The following SCLY variants were observed in gnomAD, a reference collection of about 807,000 sequenced individuals.
The protein encoded by SCLY is selenocysteine lyase.
SCLY carries 38 observed loss-of-function variants against 50.1 expected under a neutral mutation model. That is an observed-to-expected ratio of 0.76 (90% CI 0.59 to 0.99). The LOEUF (loss-of-function observed/expected upper bound fraction) is 0.99, where lower values mean the gene tolerates loss of function less well. Among genes scored for constraint, SCLY ranks in the 50% least tolerant of loss-of-function variants. SCLY has a pLI of 0.00. For missense variants in SCLY, 600 were observed against 620.0 expected, an observed-to-expected ratio of 0.97 and a Z score of 0.34; for synonymous variants, 243 against 249.4, an observed-to-expected ratio of 0.97 and a Z score of 0.24.
chr2:238,070,176 A>G (rs1010437928), intron 4 of SCLY, among the ~76,000 whole-genome samples: 4 of 152,344 alleles, frequency 2.6e-5, no homozygotes, highest in African/African-American at 7.2e-5. Context: ...AGGGAGTGAC[A>G]TGTTCACCAG....
chr2:238,091,544 G>C, intron 8 of SCLY: 78 of 413,534 alleles, frequency 1.9e-4, no homozygotes, highest in Middle Eastern at 7.1e-4. Flanking sequence ...CAAGCTGCAG[G>C]TTCACCATTC....
intron 7 of SCLY, among the ~76,000 whole-genome samples, chr2:238,089,482 A>G (rs564123152): frequency 2.6e-5 from 4 of 152,328 alleles, no homozygotes; most frequent in African/African-American, 9.6e-5. Flanking sequence ...AGATCGTGCC[A>G]AGGCAGTTAG....
intron 7 of SCLY, among the ~76,000 whole-genome samples, chr2:238,089,365 A>G (rs1390802141): frequency 1.3e-5 from 2 of 152,180 alleles, no homozygotes; most frequent in Non-Finnish European, 2.9e-5. Context: ...AAGTAGATCA[A>G]TGGAGGAGAA....
Position 238,069,234 on chromosome 2 carries a change from T to C in SCLY, c.304-63T>C. ...ACAAAAGAAATTAAGTAACAGAAAT[T>C]GTTGCTCTGACCCTTACCTCAGCAC... On this transcript the variant is annotated intron_variant, in intron 3 of 11. Transcript: ENST00000254663. The surrounding 1 kb of genome is among the most constrained non-coding windows in gnomAD (Gnocchi z 5.0). The C allele has an allele frequency of 1.4e-6, 2 of 1,436,122 alleles. No individual in the cohort carries two copies. Among genetic ancestry groups the C allele is most frequent in the Non-Finnish European group, 1.9e-6 (2 of 1,058,792 alleles). The allele number at this position is 1,436,122 out of a possible 1,614,324, so 89.0% of individuals were successfully genotyped here. A position where few individuals can be genotyped will look rare whatever the true frequency, so the allele number is the denominator to read the frequency against.
chr2:238,061,029 G>A lies in SCLY; in HGVS notation c.-26G>A, dbSNP rs2065010967. 2.9e-6 allele frequency: 4 copies of A among 1,361,610 alleles called. No individual in the cohort carries two copies. The South Asian group carries it at 5.1e-5, about 17-fold the overall frequency. The allele number at this position is 1,361,610 out of a possible 1,614,324, so 84.3% of individuals were successfully genotyped here. On this transcript the variant is annotated 5_prime_UTR_variant, in exon 1 of 12. Coordinates refer to ENST00000254663, the MANE Select transcript of SCLY (RefSeq NM_016510.7). ...CGTAGCGCTCCGCGGGAAGGAGGCT[G>A]GATGCCCGGCAGCAGTGGGGCGGGG...
At chr2:238,097,054 A>C (rs912073745) in intron 11 of SCLY, among the ~76,000 whole-genome samples, 178 bp downstream of exon 11, 6 of 152,096 alleles carry the variant, frequency 3.9e-5, no homozygotes, top group African/African-American at 1.4e-4. Flanking sequence ...CCAAGCTGCC[A>C]TCTGAAGGAC....
Position 238,098,407 on chromosome 2 carries a change from A to C in SCLY, c.*52A>C, listed in dbSNP as rs906001556. Reference sequence around the variant, plus strand: ...TTCTGGGAAGCCCGTGGCAGGGCACAGGGTTGTCCCTCCAGTTCCCTCCTG... The same window carrying C: ...TTCTGGGAAGCCCGTGGCAGGGCACCGGGTTGTCCCTCCAGTTCCCTCCTG... On this transcript the variant is annotated 3_prime_UTR_variant, in exon 12 of 12. Transcript: ENST00000254663. The C allele has an allele frequency of 7.9e-6, 12 of 1,523,002 alleles. No individual in the cohort carries two copies. Among genetic ancestry groups the C allele is most frequent in the Non-Finnish European group, 1.1e-5 (12 of 1,136,754 alleles). The allele number at this position is 1,523,002 out of a possible 1,614,324, so 94.3% of individuals were successfully genotyped here.
intron 4 of SCLY, among the ~76,000 whole-genome samples, chr2:238,072,014 C>T (rs1200632937): frequency 6.6e-6 from 1 of 151,862 alleles, no homozygotes; most frequent in Non-Finnish European, 1.5e-5. Context: ...AGAAAATTCT[C>T]GCCAGCCCCA....
chr2:238,093,911 G>C lies in SCLY; in HGVS notation c.972G>C (p.Arg324Ser), dbSNP rs757530337. ...QNCEAYEAHM[R>S]DVRDYLEERL... ...GCGAGGCTTATGAGGCCCACATGAGGGACGTCCGCGACTACCTGGAAGAGA... is the reference window on the plus strand; with the variant it reads ...GCGAGGCTTATGAGGCCCACATGAGCGACGTCCGCGACTACCTGGAAGAGA... Residue 324 changes from arginine to serine, a missense_variant, in exon 9 of 12, where the codon AGG becomes AGC. Coordinates refer to ENST00000254663, the MANE Select transcript of SCLY (RefSeq NM_016510.7). 4.3e-6 allele frequency: 7 copies of C among 1,614,016 alleles called. No individual in the cohort carries two copies. The highest frequency in any genetic ancestry group is 5.1e-6 in the Non-Finnish European group (6 of 1,180,002).
At chr2:238,089,421 C>A (rs1014654545) in intron 7 of SCLY, among the ~76,000 whole-genome samples, 1 of 152,050 alleles carries the variant, frequency 6.6e-6, no homozygotes, top group Non-Finnish European at 1.5e-5. Context: ...GGTGCAGATA[C>A]AACCGCAGGA....
rs970901469 is a variant in SCLY at position 238,067,964 on chromosome 2, C to T, written c.203-101C>T. On this transcript the variant is annotated intron_variant, in intron 2 of 11. Coordinates refer to ENST00000254663, the MANE Select transcript of SCLY (RefSeq NM_016510.7). This position sits in a 1 kb window ranked among gnomAD's most constrained non-coding sequence, Gnocchi z 4.3. ...GGGCCAGGTTTTGTCTTAGAACGGCCCACGCAGACCTCTTATTCCTTTGTA... is the reference window on the plus strand; with the variant it reads ...GGGCCAGGTTTTGTCTTAGAACGGCTCACGCAGACCTCTTATTCCTTTGTA... 16 of 795,796 alleles carry T rather than the reference C, an allele frequency of 2.0e-5. No individual in the cohort carries two copies. The highest frequency in any genetic ancestry group is 3.2e-5 in the Non-Finnish European group (16 of 493,282). 49.3% of individuals were successfully genotyped at this position (795,796 alleles called of 1,614,324 possible).
In SCLY at chr2:238,083,691, G is replaced by T. The variant is rs2065260472; in HGVS notation, c.884+337G>T. Among the ~76,000 whole-genome samples, 1 of 152,240 alleles carries T rather than the reference G, an allele frequency of 6.6e-6. No individual in the cohort carries two copies. The highest frequency in any genetic ancestry group is 6.5e-5 in the Admixed American group (1 of 15,282). The stretch of plus-strand genomic sequence containing the variant: ...GGCCTGCTGCTGTTTTAACTTCGGG[G>T]ATCAGCAGGACCACACAGAAGCACT... On this transcript the variant is annotated intron_variant, in intron 7 of 11. Coordinates refer to ENST00000254663, the MANE Select transcript of SCLY (RefSeq NM_016510.7). The surrounding 1 kb of genome is among the most constrained non-coding windows in gnomAD (Gnocchi z 4.3).
At chr2:238,088,826 A>G (rs1467700219) in intron 7 of SCLY, among the ~76,000 whole-genome samples, 1 of 152,228 alleles carries the variant, frequency 6.6e-6, no homozygotes, top group Non-Finnish European at 1.5e-5. Context: ...TAGTGGTGAA[A>G]GCCTGAATGT....
intron 4 of SCLY, among the ~76,000 whole-genome samples, chr2:238,076,049 T>G: frequency 1.3e-5 from 1 of 74,992 alleles, no homozygotes. Context: ...TTTGTTCCTT[T>G]TTTTTTTTTT....
chr2:238,094,957 C>A (rs899559218), intron 10 of SCLY: 1 of 161,060 alleles, frequency 6.2e-6, no homozygotes, highest in Non-Finnish European at 1.3e-5. Flanking sequence ...AATCCTAGCA[C>A]TTTTGGAGGC....
chr2:238,077,172 A>G (rs573828237), intron 4 of SCLY, among the ~76,000 whole-genome samples: 2 of 152,238 alleles, frequency 1.3e-5, no homozygotes, highest in African/African-American at 4.8e-5. Context: ...TTGGTGCTCT[A>G]TTGTTAGGTG....
chr2:238,086,401 A>G (rs2065298030), intron 7 of SCLY, among the ~76,000 whole-genome samples: 1 of 152,226 alleles, frequency 6.6e-6, no homozygotes, highest in African/African-American at 2.4e-5. Context: ...TCTGTGCTTC[A>G]CTGGAACTGG....
Position 238,094,440 on chromosome 2 carries a change from A to G in SCLY, c.1026A>G (p.Arg342=). The change falls in exon 10 of 12, where the codon AGA becomes AGG. Residue 342 remains arginine, a synonymous_variant. Coordinates refer to ENST00000254663, the MANE Select transcript of SCLY (RefSeq NM_016510.7). ...ERLEAEFGQK[R]IHLNSQFPGT... ...TTCAGGCTGAATTCGGTCAGAAGAG[A>G]ATCCATCTGAATAGCCAGTTTCCAG... 1.2e-6 allele frequency: 2 copies of G among 1,613,988 alleles called. No homozygotes were observed. The highest frequency in any genetic ancestry group is 1.7e-6 in the Non-Finnish European group (2 of 1,179,870).
At chr2:238,073,694 C>A in intron 4 of SCLY, 1 of 462,966 alleles carries the variant, frequency 2.2e-6, no homozygotes, top group Admixed American at 2.4e-5. Flanking sequence ...GGTTTGAACT[C>A]TGTGGGTCTA....
Sources: allele counts gnomAD v4.1 joint callset (sites outside exome capture counted in the v4.1 genomes callset), GRCh38; gene constraint gnomAD v4.1.1; non-coding constraint Gnocchi (gnomAD v3.1); transcripts MANE v1.5; gene names NCBI Gene and HGNC (gene_info 2026-07-23, HGNC 2026-07-21).